The following ZNF483 variants were observed in gnomAD, a reference collection of about 807,000 sequenced individuals.
The protein encoded by ZNF483 is zinc finger protein HIT-10.
In ZNF483, 9 loss-of-function variants were observed where a neutral mutation model predicts 28.6. That is an observed-to-expected ratio of 0.32 (90% CI 0.19 to 0.55). ZNF483 has a LOEUF of 0.55. Among genes scored for constraint, ZNF483 ranks in the 20% least tolerant of loss-of-function variants. The probability of loss-of-function intolerance (pLI) is 0.93; values close to 1 mark genes in which losing one functional copy is unlikely to be tolerated. For missense variants in ZNF483, 675 were observed against 871.7 expected, an observed-to-expected ratio of 0.77 and a Z score of 2.84; for synonymous variants, 322 against 306.2, an observed-to-expected ratio of 1.05 and a Z score of -0.54.
rs1827865562 is a variant in ZNF483 at position 111,549,015 on chromosome 9, G to T, written c.*5845G>T. On this transcript the variant is annotated 3_prime_UTR_variant, in exon 6 of 6. Coordinates refer to ENST00000309235, the MANE Select transcript of ZNF483 (RefSeq NM_133464.5). ...TTATAACTTGTCTTGGTGTCTCTGT[G>T]GGGTGAGGGTAGGAGTCAATTGCAG... is the stretch of plus-strand genomic sequence containing the variant. 6.6e-6 allele frequency among the ~76,000 whole-genome samples: 1 copy of T among 151,946 alleles called. No homozygotes were observed. Among genetic ancestry groups the T allele is most frequent in the Non-Finnish European group, 1.5e-5 (1 of 67,998 alleles).
chr9:111,534,187 A>C, intron 4 of ZNF483, 74 bp from the exon 5 acceptor site: 1 of 1,224,974 alleles, frequency 8.2e-7, no homozygotes. Flanking sequence ...GGAGAACCAG[A>C]GGCTATATGT....
At position 111,548,228 on chromosome 9, in the gene ZNF483, G is replaced by A. The variant is rs1589279291; in HGVS notation, c.*5058G>A. 6.6e-6 allele frequency among the ~76,000 whole-genome samples: 1 copy of A among 152,206 alleles called. No individual in the cohort carries two copies. Among genetic ancestry groups the A allele is most frequent in the East Asian group, 1.9e-4 (1 of 5,188 alleles). On this transcript the variant is annotated 3_prime_UTR_variant, in exon 6 of 6. Transcript: ENST00000309235. ...TGGGCTTGCATTGAATTTGTAGATC[G>A]CTTTGGGTAATGTGGACATACTAAC...
intron 5 of ZNF483, among the ~76,000 whole-genome samples, chr9:111,535,416 G>A (rs2132236855): frequency 6.6e-6 from 1 of 152,258 alleles, no homozygotes; most frequent in East Asian, 1.9e-4. Context: ...TGGACAGCAT[G>A]CATAATAATT....
At chr9:111,539,095 A>G (rs1020128783) in intron 5 of ZNF483, among the ~76,000 whole-genome samples, 1 of 142,850 alleles carries the variant, frequency 7.0e-6, no homozygotes, top group East Asian at 2.2e-4. Flanking sequence ...CCTGGGTGAC[A>G]GAGCGAGACT....
intron 5 of ZNF483, among the ~76,000 whole-genome samples, chr9:111,534,718 C>CTTTTTTTTTT (rs67740162): frequency 5.7e-5 from 5 of 88,130 alleles, no homozygotes; most frequent in East Asian, 3.3e-4. Context: ...GTCGTTCTAT[C>CTTTTTTTTTT]TTTTTTTTTT....
intron 5 of ZNF483, among the ~76,000 whole-genome samples, chr9:111,534,974 C>T (rs546718243): frequency 2.7e-4 from 41 of 152,172 alleles, no homozygotes; most frequent in African/African-American, 8.0e-4. Flanking sequence ...CGGCCTGCCT[C>T]GGCCTCCCAA....
At chr9:111,541,622 C>T (rs776508957) in intron 5 of ZNF483, 35 bp from the exon 6 acceptor site, 1 of 1,522,700 alleles carries the variant, frequency 6.6e-7, no homozygotes, top group Non-Finnish European at 8.8e-7. Context: ...TCCTTTCTTG[C>T]AAACAGGAAA....
chr9:111,560,241 G>A (rs1828233789), downstream of ZNF483, among the ~76,000 whole-genome samples: 1 of 152,010 alleles, frequency 6.6e-6, no homozygotes, highest in African/African-American at 2.4e-5. Flanking sequence ...AGCACTTTGT[G>A]AGGCCAAGGC....
chr9:111,561,102 T>TAGAG (rs1448011286), intron 5 of ZNF483, among the ~76,000 whole-genome samples: 3 of 29,354 alleles, frequency 1.0e-4, no homozygotes, highest in Non-Finnish European at 1.8e-4. Flanking sequence ...TATATATATA[T>TAGAG]ATATATATAG....
At chr9:111,564,280 A>T (rs754472781) in intron 5 of ZNF483, 90 of 202,714 alleles carry the variant, frequency 4.4e-4, no homozygotes, top group Middle Eastern at 2.2e-3. Context: ...TTAAACTTTT[A>T]TTATTATTAT....
At chr9:111,562,391 T>A (rs1828354253) in intron 5 of ZNF483, among the ~76,000 whole-genome samples, 3 of 151,660 alleles carry the variant, frequency 2.0e-5, no homozygotes, top group Non-Finnish European at 4.4e-5. Context: ...GTCTCCTGTC[T>A]CAGCCTCCCA....
intron 5 of ZNF483, among the ~76,000 whole-genome samples, chr9:111,538,320 G>A (rs2132246421): frequency 6.6e-6 from 1 of 152,156 alleles, no homozygotes; most frequent in East Asian, 1.9e-4. Context: ...TTTGAGACCA[G>A]CCTGGGCAGC....
chr9:111,543,776 C>CTT lies in ZNF483; in HGVS notation c.*617_*618dup, dbSNP rs1443969951. Reference sequence around the variant, plus strand: ...GCTGGACTTCTTTTCTTTTTTTTTTCTTTTTTTTTTTTCAATTTTTCTTTT... The same window carrying CTT: ...GCTGGACTTCTTTTCTTTTTTTTTTCTTTTTTTTTTTTTTCAATTTTTCTTTT... On this transcript the variant is annotated 3_prime_UTR_variant, in exon 6 of 6. Coordinates refer to ENST00000309235, the MANE Select transcript of ZNF483 (RefSeq NM_133464.5). The CTT allele has an allele frequency of 1.2e-4, 66 of 566,436 alleles. No individual in the cohort carries two copies. Among genetic ancestry groups the CTT allele is most frequent in the Non-Finnish European group, 1.4e-4 (65 of 471,038 alleles). 35.1% of individuals were successfully genotyped at this position (566,436 alleles called of 1,614,324 possible). A position where few individuals can be genotyped will look rare whatever the true frequency, so the allele number is the denominator to read the frequency against.
intron 5 of ZNF483, among the ~76,000 whole-genome samples, chr9:111,565,044 A>G (rs1403962128): frequency 6.6e-6 from 1 of 152,156 alleles, no homozygotes; most frequent in East Asian, 1.9e-4. Flanking sequence ...GAATCACATG[A>G]ACCCGGCAGG....
intron 5 of ZNF483, among the ~76,000 whole-genome samples, chr9:111,536,035 C>T (rs775689778): frequency 9.5e-5 from 14 of 147,986 alleles, no homozygotes; most frequent in African/African-American, 1.7e-4. Flanking sequence ...ACTATAGGCA[C>T]GCGCCACCAC....
At chr9:111,571,500 C>A (rs1279862206) in intron 5 of ZNF483, among the ~76,000 whole-genome samples, 1 of 149,368 alleles carries the variant, frequency 6.7e-6, no homozygotes, top group Non-Finnish European at 1.5e-5. Flanking sequence ...TAATTTGAGA[C>A]AGGGTCTGGC....
Position 111,551,742 on chromosome 9 carries a change from T to G in ZNF483, c.*8572T>G, listed in dbSNP as rs1827963722. ...AATTTGCATCCACATTAACAAAACT[T>G]TTATTAGAAAAATTCATTTAATATC... On this transcript the variant is annotated 3_prime_UTR_variant, in exon 6 of 6. Transcript: ENST00000309235. Among the ~76,000 whole-genome samples, 1 of 152,212 alleles carries G rather than the reference T, an allele frequency of 6.6e-6. No homozygotes were observed. The highest frequency in any genetic ancestry group is 2.4e-5 in the African/African-American group (1 of 41,454).
chr9:111,558,556 C>T (rs1828188684), downstream of ZNF483, among the ~76,000 whole-genome samples: 1 of 152,166 alleles, frequency 6.6e-6, no homozygotes. Flanking sequence ...TGTATCTTCC[C>T]TACCCCAGCC....
At chr9:111,538,003 A>G (rs1053548455) in intron 5 of ZNF483, among the ~76,000 whole-genome samples, 2 of 152,100 alleles carry the variant, frequency 1.3e-5, no homozygotes, top group African/African-American at 4.8e-5. Context: ...TACGGCCTGT[A>G]AGTGTGTGTG....
Sources: allele counts gnomAD v4.1 joint callset (sites outside exome capture counted in the v4.1 genomes callset), GRCh38; gene constraint gnomAD v4.1.1; transcripts MANE v1.5; gene names NCBI Gene and HGNC (gene_info 2026-07-23, HGNC 2026-07-21).